The following LRRC37A2 variants were observed in gnomAD, a reference collection of about 807,000 sequenced individuals.
LRRC37A2 encodes leucine rich repeat containing 37 member A2, also known as leucine-rich repeat-containing protein 37A2.
LRRC37A2 carries 9 observed loss-of-function variants against 68.8 expected under a neutral mutation model. The observed-to-expected ratio is 0.13, with a 90% confidence interval of 0.08 to 0.23. The LOEUF is 0.23. LRRC37A2 is among the 10% of genes least tolerant of loss of function. LRRC37A2 has a pLI of 1.00. For missense variants in LRRC37A2, 168 were observed against 950.4 expected, an observed-to-expected ratio of 0.18 and a Z score of 10.82; for synonymous variants, 63 against 367.6, an observed-to-expected ratio of 0.17 and a Z score of 9.48.
At chr17:46,878,137 T>A in the LRRC37A2 span, among the ~76,000 whole-genome samples, 1 of 152,206 alleles carries the variant, frequency 6.6e-6, no homozygotes, top group Non-Finnish European at 1.5e-5. Flanking sequence ...GCTGGAGGCA[T>A]TGTACTTCCC....
At chr17:46,691,903 C>A in the LRRC37A2 span, among the ~76,000 whole-genome samples, 1 of 151,208 alleles carries the variant, frequency 6.6e-6, no homozygotes, top group Admixed American at 6.6e-5. Context: ...CAGGCACCTG[C>A]CACCACACCC....
chr17:46,768,802 G>A, the LRRC37A2 span: 1 of 1,612,340 alleles, frequency 6.2e-7, no homozygotes, highest in Admixed American at 1.7e-5. This position sits in a 1 kb window ranked among gnomAD's most constrained non-coding sequence, Gnocchi z 5.0. Context: ...AGGATAGTCT[G>A]GGGGAGAGAA....
chr17:46,896,841 A>G, the LRRC37A2 span, among the ~76,000 whole-genome samples: 7 of 152,090 alleles, frequency 4.6e-5, no homozygotes, highest in African/African-American at 9.7e-5. Flanking sequence ...GTGGGGAGAA[A>G]GTCACACAGC....
chr17:46,473,980 C>T, the LRRC37A2 span, among the ~76,000 whole-genome samples: 4 of 108,506 alleles, frequency 3.7e-5, no homozygotes, highest in Non-Finnish European at 6.2e-5. Context: ...TCATTATGCT[C>T]ATTTAATTTT....
chr17:47,040,177 T>G, the LRRC37A2 span, among the ~76,000 whole-genome samples: 3 of 150,802 alleles, frequency 2.0e-5, no homozygotes, highest in Non-Finnish European at 4.4e-5. Flanking sequence ...GCATGGTGGC[T>G]CATGCCTATA....
At chr17:46,799,777 C>G in the LRRC37A2 span, among the ~76,000 whole-genome samples, 1 of 152,134 alleles carries the variant, frequency 6.6e-6, no homozygotes, top group African/African-American at 2.4e-5. Flanking sequence ...ATTTCAACCT[C>G]ACAACTACCT....
chr17:46,811,852 G>A, the LRRC37A2 span, among the ~76,000 whole-genome samples: 1 of 152,220 alleles, frequency 6.6e-6, no homozygotes, highest in Non-Finnish European at 1.5e-5. Flanking sequence ...AGCTACTCGG[G>A]AGGCTGAGGC....
the LRRC37A2 span, among the ~76,000 whole-genome samples, chr17:46,492,678 G>GGTTTT: frequency 2.1e-5 from 3 of 145,098 alleles, no homozygotes; most frequent in African/African-American, 5.4e-5. Context: ...ATATTTTCAG[G>GGTTTT]GTTTTGTTTT....
chr17:47,003,351 G>C, the LRRC37A2 span, among the ~76,000 whole-genome samples: 1 of 151,924 alleles, frequency 6.6e-6, no homozygotes, highest in African/African-American at 2.4e-5. Flanking sequence ...TGTACTAGCT[G>C]CGAGTACAGC....
chr17:46,893,987 G>T, the LRRC37A2 span, among the ~76,000 whole-genome samples: 1 of 152,176 alleles, frequency 6.6e-6, no homozygotes, highest in African/African-American at 2.4e-5. Flanking sequence ...CCCATGGCTT[G>T]GTTTGTAACT....
the LRRC37A2 span, chr17:46,755,821 T>G: frequency 6.2e-6 from 10 of 1,612,278 alleles, no homozygotes; most frequent in Non-Finnish European, 8.5e-6. Context: ...TGATTTTGAT[T>G]GAAAATGAAC....
the LRRC37A2 span, among the ~76,000 whole-genome samples, chr17:46,824,710 A>G: frequency 6.6e-6 from 1 of 152,214 alleles, no homozygotes; most frequent in East Asian, 1.9e-4. Context: ...ACTGTTGATG[A>G]TGGGCCCAGA....
the LRRC37A2 span, among the ~76,000 whole-genome samples, chr17:46,774,789 TAC>T: frequency 1.3e-5 from 2 of 152,196 alleles, no homozygotes; most frequent in African/African-American, 4.8e-5. Flanking sequence ...AGGTAGGAAT[TAC>T]GACTTTTCCG....
At chr17:46,707,223 A>G in the LRRC37A2 span, among the ~76,000 whole-genome samples, 10 of 152,282 alleles carry the variant, frequency 6.6e-5, no homozygotes, top group Non-Finnish European at 1.0e-4. Context: ...CATTTTAGTT[A>G]TTAGAGAACT....
At chr17:46,710,759 T>G in the LRRC37A2 span, among the ~76,000 whole-genome samples, 1 of 152,208 alleles carries the variant, frequency 6.6e-6, no homozygotes, top group Non-Finnish European at 1.5e-5. Flanking sequence ...TTTATTCCAT[T>G]AAGTCACCCA....
chr17:46,870,241 C>T, the LRRC37A2 span, among the ~76,000 whole-genome samples: 1 of 152,168 alleles, frequency 6.6e-6, no homozygotes, highest in Non-Finnish European at 1.5e-5. Flanking sequence ...CTCACACCAG[C>T]CCTCGGTGTG....
chr17:46,835,379 T>G, the LRRC37A2 span, among the ~76,000 whole-genome samples: 2 of 151,982 alleles, frequency 1.3e-5, no homozygotes, highest in African/African-American at 2.4e-5. Flanking sequence ...GCCCAGCTAA[T>G]TTTTAATATT....
the LRRC37A2 span, among the ~76,000 whole-genome samples, chr17:46,839,161 A>G: frequency 1.3e-5 from 2 of 152,234 alleles, no homozygotes; most frequent in Non-Finnish European, 2.9e-5. Flanking sequence ...TACAGGCGTG[A>G]GCCACCGCAC....
chr17:46,785,127 GCCTTC>G, the LRRC37A2 span, among the ~76,000 whole-genome samples: 2 of 152,174 alleles, frequency 1.3e-5, no homozygotes, highest in Non-Finnish European at 2.9e-5. Flanking sequence ...GTGCACAGCT[GCCTTC>G]CCTTGGGGAC....
Sources: allele counts gnomAD v4.1 joint callset (sites outside exome capture counted in the v4.1 genomes callset), GRCh38; gene constraint gnomAD v4.1.1; non-coding constraint Gnocchi (gnomAD v3.1); transcripts MANE v1.5; gene names NCBI Gene and HGNC (gene_info 2026-07-23, HGNC 2026-07-21).